The following TOR1AIP2 variants were observed in gnomAD, a reference collection of about 807,000 sequenced individuals.
TOR1AIP2 encodes torsin-1A-interacting protein 2.
TOR1AIP2 carries 20 observed loss-of-function variants against 32.6 expected under a neutral mutation model. The ratio of observed to expected loss-of-function variants is 0.61; its 90% CI spans 0.43 to 0.89. The LOEUF is 0.89. Among genes scored for constraint, TOR1AIP2 ranks in the 40% least tolerant of loss-of-function variants. The pLI is 0.00. For missense variants in TOR1AIP2, 456 were observed against 553.8 expected, an observed-to-expected ratio of 0.82 and a Z score of 1.77; for synonymous variants, 214 against 210.8, an observed-to-expected ratio of 1.02 and a Z score of -0.13.
rs1695809062 is a variant in TOR1AIP2 at position 179,843,913 on chromosome 1, G to C, written c.*2158C>G. 1 of 150,820 alleles carries C rather than the reference G, an allele frequency of 6.6e-6. No homozygotes were observed. The highest frequency in any genetic ancestry group is 2.4e-5 in the African/African-American group (1 of 41,164). 9.3% of individuals were successfully genotyped at this position (150,820 alleles called of 1,614,324 possible). A position where few individuals can be genotyped will look rare whatever the true frequency, so the allele number is the denominator to read the frequency against. ...TTGCACTATACATGGAAGGGAAAAT[G>C]TTTTTAAAAAGGCTAAATTAAAAAT... On this transcript the variant is annotated 3_prime_UTR_variant, in exon 7 of 7. Coordinates refer to ENST00000609928, the MANE Select transcript of TOR1AIP2 (RefSeq NM_001199260.2).
intron 3 of TOR1AIP2, chr1:179,861,819 G>A (rs1696544298): frequency 5.1e-6 from 5 of 974,594 alleles, no homozygotes; most frequent in Non-Finnish European, 6.1e-6. Context: ...GGTCTAGAGA[G>A]CACCTGCATC....
In TOR1AIP2 at chr1:179,861,064, C is replaced by T. The variant is rs574013815; in HGVS notation, c.-147+4372G>A. The T allele has an allele frequency of 2.0e-5, 20 of 985,430 alleles. No homozygotes were observed. The South Asian group carries it at 8.5e-4, about 42-fold the overall frequency. The allele number at this position is 985,430 out of a possible 1,614,324, so 61.0% of individuals were successfully genotyped here. On this transcript the variant is annotated intron_variant, in intron 3 of 6. Transcript: ENST00000609928. Reference sequence around the variant, plus strand: ...GTCTGCCCTTGCATGTTTCCATTAACCTTTTCACTCCCTGGACTGCCATAA... The same window carrying T: ...GTCTGCCCTTGCATGTTTCCATTAATCTTTTCACTCCCTGGACTGCCATAA...
At chr1:179,858,313 T>C (rs1209314352) in intron 3 of TOR1AIP2, among the ~76,000 whole-genome samples, 1 of 151,736 alleles carries the variant, frequency 6.6e-6, no homozygotes, top group Non-Finnish European at 1.5e-5. Context: ...ATTATTAACA[T>C]ATATAAATTT....
intron 3 of TOR1AIP2, among the ~76,000 whole-genome samples, chr1:179,853,325 G>C (rs1696183502): frequency 6.6e-6 from 1 of 152,168 alleles, no homozygotes; most frequent in Admixed American, 6.5e-5. Context: ...CTTTGAAGTG[G>C]TTTTCTCGAA....
At chr1:179,850,587 C>G (rs1696077526) in intron 5 of TOR1AIP2, among the ~76,000 whole-genome samples, 1 of 152,124 alleles carries the variant, frequency 6.6e-6, no homozygotes, top group African/African-American at 2.4e-5. Flanking sequence ...TTAATATAAA[C>G]AGTTAATAAA....
chr1:179,850,489 T>A (rs1480628264), intron 5 of TOR1AIP2, among the ~76,000 whole-genome samples: 1 of 152,268 alleles, frequency 6.6e-6, no homozygotes, highest in Non-Finnish European at 1.5e-5. Flanking sequence ...TAAAAGATTT[T>A]AAAAATTGTA....
chr1:179,848,359 C>T (rs756780201), intron 5 of TOR1AIP2, among the ~76,000 whole-genome samples: 4 of 151,906 alleles, frequency 2.6e-5, no homozygotes, highest in Non-Finnish European at 4.4e-5. Flanking sequence ...CTCAAGACCC[C>T]GAATATAAAA....
At chr1:179,863,870 T>C in intron 3 of TOR1AIP2, 1 of 985,398 alleles carries the variant, frequency 1.0e-6, no homozygotes, top group Non-Finnish European at 1.2e-6. Context: ...ACCCCAACTC[T>C]GGGTCCATGA....
rs994232523 is a variant in TOR1AIP2 at position 179,840,151 on chromosome 1, A to C, written c.*5920T>G. 3.3e-5 allele frequency: 5 copies of C among 152,252 alleles called. No homozygotes were observed. The highest frequency in any genetic ancestry group is 1.2e-4 in the African/African-American group (5 of 41,454). 9.4% of individuals were successfully genotyped at this position (152,252 alleles called of 1,614,324 possible). On this transcript the variant is annotated 3_prime_UTR_variant, in exon 7 of 7. Transcript: ENST00000609928. Reference sequence around the variant, plus strand: ...TTTTTGTTAAGCACAAATAAGCAAAATGCAATTGAGTTTGAAAGTCAGTGT... The same window carrying C: ...TTTTTGTTAAGCACAAATAAGCAAACTGCAATTGAGTTTGAAAGTCAGTGT...
At chr1:179,854,668 C>T (rs775957200) in intron 3 of TOR1AIP2, among the ~76,000 whole-genome samples, 10 of 152,044 alleles carry the variant, frequency 6.6e-5, no homozygotes, top group Non-Finnish European at 1.3e-4. Flanking sequence ...GTCAGGAGTT[C>T]GAGACCAGCC....
chr1:179,859,008 G>C (rs1487045636), intron 3 of TOR1AIP2: 1 of 977,428 alleles, frequency 1.0e-6, no homozygotes, highest in Non-Finnish European at 1.2e-6. Context: ...ATGCCATCAT[G>C]ACAAATGTAT....
chr1:179,860,573 A>G (rs746693192), intron 3 of TOR1AIP2: 43 of 985,320 alleles, frequency 4.4e-5, no homozygotes, highest in Non-Finnish European at 4.9e-5. Context: ...TCCTCATCCT[A>G]AAGATTTAGT....
chr1:179,851,186 T>C lies in TOR1AIP2; in HGVS notation c.212A>G (p.Glu71Gly). 6.2e-7 allele frequency: 1 copy of C among 1,614,176 alleles called. No individual in the cohort carries two copies. Among genetic ancestry groups the C allele is most frequent in the Non-Finnish European group, 8.5e-7 (1 of 1,180,038 alleles). Residue 71 changes from glutamate to glycine, a missense_variant, in exon 5 of 7, where the codon GAA becomes GGA. By Grantham distance (98) the Glu-to-Gly change is moderately conservative (BLOSUM62 -2). Coordinates refer to ENST00000609928, the MANE Select transcript of TOR1AIP2 (RefSeq NM_001199260.2). ...PESADTGDKS[E>G]SPDEANVGKH... ...CCCCACATTTGCTTCATCTGGACTT[T>C]CTGATTTATCACCTGTATCTGCACT...
At chr1:179,867,138 T>C (rs1343696471) in intron 2 of TOR1AIP2, among the ~76,000 whole-genome samples, 3 of 152,200 alleles carry the variant, frequency 2.0e-5, no homozygotes, top group African/African-American at 7.2e-5. Context: ...GCTGTGATTC[T>C]CAGATTTTAA....
chr1:179,849,967 C>T (rs1345494074), intron 5 of TOR1AIP2, among the ~76,000 whole-genome samples: 2 of 152,192 alleles, frequency 1.3e-5, no homozygotes, highest in Non-Finnish European at 2.9e-5. Flanking sequence ...TGCAGTGAAA[C>T]ATGAATTACT....
chr1:179,867,351 C>T (rs1696824474), intron 2 of TOR1AIP2, among the ~76,000 whole-genome samples: 1 of 152,136 alleles, frequency 6.6e-6, no homozygotes, highest in South Asian at 2.1e-4. Flanking sequence ...TGGTTTCCGA[C>T]TCAATGACTA....
At chr1:179,870,345 G>C (rs2148456533) in intron 2 of TOR1AIP2, among the ~76,000 whole-genome samples, 1 of 151,996 alleles carries the variant, frequency 6.6e-6, no homozygotes, top group African/African-American at 2.4e-5. Context: ...CTTGCAGTGA[G>C]CCAAGATCGC....
chr1:179,861,835 C>T (rs1000055442), intron 3 of TOR1AIP2: 30 of 960,760 alleles, frequency 3.1e-5, no homozygotes, highest in Non-Finnish European at 3.7e-5. Flanking sequence ...GCATCAGAAT[C>T]TCCAAAGGTA....
intron 2 of TOR1AIP2, chr1:179,868,179 T>G (rs1020981450): frequency 2.6e-5 from 4 of 152,266 alleles, no homozygotes; most frequent in African/African-American, 9.6e-5. Context: ...CAGGACTTCT[T>G]GGTTATATCC....
Sources: gnomAD v4.1 joint callset for allele counts (sites outside exome capture counted in the v4.1 genomes callset) on GRCh38, gnomAD v4.1.1 for gene constraint, MANE v1.5 for transcripts, NCBI Gene and HGNC (gene_info 2026-07-23, HGNC 2026-07-21) for gene names.